The following CAMKMT variants were observed in gnomAD, a reference collection of about 807,000 sequenced individuals.
CAMKMT encodes calmodulin-lysine N-methyltransferase.
A neutral mutation model predicts 48.0 loss-of-function variants in CAMKMT; 53 were observed. That is an observed-to-expected ratio of 1.10 (90% CI 0.89 to 1.39). The LOEUF (loss-of-function observed/expected upper bound fraction) is 1.39. Ranked by LOEUF, CAMKMT falls within the 40% of genes most tolerant of loss-of-function variation. The probability of loss-of-function intolerance (pLI) is 0.00; values close to 1 mark genes in which losing one functional copy is unlikely to be tolerated. For synonymous variants in CAMKMT, 165 were observed against 152.3 expected (o/e 1.08, Z -0.61); for missense variants, 428 against 402.7 (o/e 1.06, Z -0.54).
At chr2:44,614,810 CT>C (rs1572922207) in intron 3 of CAMKMT, among the ~76,000 whole-genome samples, 1 of 152,142 alleles carries the variant, frequency 6.6e-6, no homozygotes, top group East Asian at 1.9e-4. Flanking sequence ...TCTCAGTATG[CT>C]TCACACACAC....
In CAMKMT at chr2:44,626,298, A is replaced by G. The variant is rs530119805; in HGVS notation, c.377-77985A>G. On this transcript the variant is annotated intron_variant, in intron 3 of 10. Transcript: ENST00000378494. ...TGTTTTCTTTTTAAATGCTATTGTTAATGGTATTGTATTTTTATTTCATTT... is the reference window on the plus strand; with the variant it reads ...TGTTTTCTTTTTAAATGCTATTGTTGATGGTATTGTATTTTTATTTCATTT... Among the ~76,000 whole-genome samples, 3 of 152,208 alleles carry G rather than the reference A, an allele frequency of 2.0e-5. No homozygotes were observed. The South Asian group carries it at 6.2e-4, about 32-fold the overall frequency.
At chr2:44,475,115 T>C (rs1258232963) in intron 3 of CAMKMT, among the ~76,000 whole-genome samples, 4 of 152,248 alleles carry the variant, frequency 2.6e-5, no homozygotes, top group Admixed American at 6.5e-5. Context: ...TTAATATCCA[T>C]GTTCCATTAT....
intron 3 of CAMKMT, among the ~76,000 whole-genome samples, chr2:44,533,262 G>A (rs1448703196): frequency 2.7e-5 from 4 of 149,834 alleles, no homozygotes; most frequent in African/African-American, 9.8e-5. Context: ...TTTTGAGACA[G>A]AGTTTCTCTT....
At chr2:44,480,704 C>T (rs1647859316) in intron 3 of CAMKMT, among the ~76,000 whole-genome samples, 1 of 152,122 alleles carries the variant, frequency 6.6e-6, no homozygotes, top group South Asian at 2.1e-4. Flanking sequence ...AGTATCTTAA[C>T]GTATTTTGAA....
intron 3 of CAMKMT, among the ~76,000 whole-genome samples, chr2:44,578,982 G>A (rs776854179): frequency 7.2e-5 from 11 of 152,184 alleles, no homozygotes; most frequent in Non-Finnish European, 1.6e-4. Flanking sequence ...ACGCAGTGGT[G>A]GAAGTGAAAC....
intron 3 of CAMKMT, among the ~76,000 whole-genome samples, chr2:44,672,493 C>T (rs1675389012): frequency 6.6e-6 from 1 of 151,966 alleles, no homozygotes; most frequent in Non-Finnish European, 1.5e-5. Flanking sequence ...CCATTTGTAC[C>T]CCAACTATTT....
At chr2:44,508,241 T>C (rs1670360216) in intron 3 of CAMKMT, among the ~76,000 whole-genome samples, 1 of 152,174 alleles carries the variant, frequency 6.6e-6, no homozygotes. Context: ...TTATTCAGCA[T>C]CAACACATGA....
At chr2:44,546,307 G>A (rs1667401397) in intron 3 of CAMKMT, among the ~76,000 whole-genome samples, 1 of 152,014 alleles carries the variant, frequency 6.6e-6, no homozygotes, top group Admixed American at 6.5e-5. Flanking sequence ...GCCTTGTCCT[G>A]GAAATTCCAA....
chr2:44,420,670 T>C (rs189541799), intron 3 of CAMKMT, among the ~76,000 whole-genome samples: 44 of 152,178 alleles, frequency 2.9e-4, no homozygotes, highest in African/African-American at 9.9e-4. Flanking sequence ...AATATCTGCA[T>C]TATTACTAAA....
chr2:44,759,449 C>CT lies in CAMKMT; in HGVS notation c.762+5340dup, dbSNP rs201997897. The stretch of plus-strand genomic sequence containing the variant: ...TCTTTTTGCTCAGATACTTTCTCAT[C>CT]TTTTTTTTTAAAAAAAGTCTAACAT... On this transcript the variant is annotated intron_variant, in intron 9 of 10. Transcript: ENST00000378494. 2.6e-4 allele frequency among the ~76,000 whole-genome samples: 40 copies of CT among 151,860 alleles called. 1 individual carries two copies. The highest frequency in any genetic ancestry group is 5.8e-4 in the East Asian group (3 of 5,178).
intron 3 of CAMKMT, among the ~76,000 whole-genome samples, chr2:44,505,904 G>A (rs1480224828): frequency 6.6e-6 from 1 of 151,840 alleles, no homozygotes; most frequent in Non-Finnish European, 1.5e-5. Flanking sequence ...GTCTGGCTCT[G>A]TTGCCCAGGC....
At chr2:44,733,767 CT>C (rs1399263251) in intron 7 of CAMKMT, among the ~76,000 whole-genome samples, 1 of 151,962 alleles carries the variant, frequency 6.6e-6, no homozygotes, top group Non-Finnish European at 1.5e-5. Flanking sequence ...TTAAACCAAC[CT>C]TCTTATATTC....
intron 3 of CAMKMT, among the ~76,000 whole-genome samples, chr2:44,680,358 G>A (rs183736973): frequency 5.1e-4 from 77 of 152,264 alleles, no homozygotes; most frequent in Non-Finnish European, 8.7e-4. Flanking sequence ...CTTTTTTTGA[G>A]AGGACAGCGA....
chr2:44,448,214 C>T (rs887592478), intron 3 of CAMKMT, among the ~76,000 whole-genome samples: 1 of 152,134 alleles, frequency 6.6e-6, no homozygotes, highest in African/African-American at 2.4e-5. Context: ...CCCCACCACC[C>T]ACTGCTCCTT....
intron 7 of CAMKMT, among the ~76,000 whole-genome samples, chr2:44,735,481 A>T (rs990711820): frequency 2.0e-5 from 3 of 151,872 alleles, no homozygotes; most frequent in African/African-American, 7.3e-5. Flanking sequence ...ATTCTATTTT[A>T]TCTCCTTTGT....
chr2:44,374,509 A>G (rs911041059), intron 2 of CAMKMT, among the ~76,000 whole-genome samples: 2 of 152,216 alleles, frequency 1.3e-5, no homozygotes, highest in African/African-American at 4.8e-5. Context: ...AAGAGACAAT[A>G]AGTATAAATT....
intron 3 of CAMKMT, among the ~76,000 whole-genome samples, chr2:44,703,224 A>G (rs977035505): frequency 1.3e-5 from 2 of 152,214 alleles, no homozygotes; most frequent in African/African-American, 4.8e-5. Flanking sequence ...AAAAAAATTA[A>G]AAACACTTAT....
At chr2:44,677,862 AAC>A (rs1221011456) in intron 3 of CAMKMT, among the ~76,000 whole-genome samples, 1 of 152,066 alleles carries the variant, frequency 6.6e-6, no homozygotes, top group Non-Finnish European at 1.5e-5. Context: ...TCTGGCATAA[AAC>A]ACAAGTGTGT....
At chr2:44,674,855 C>T (rs1354364422) in intron 3 of CAMKMT, among the ~76,000 whole-genome samples, 3 of 152,122 alleles carry the variant, frequency 2.0e-5, no homozygotes. Flanking sequence ...GCCTCACATT[C>T]TTGGCATGTA....
Sources: gnomAD v4.1 joint callset for allele counts (sites outside exome capture counted in the v4.1 genomes callset) on GRCh38, gnomAD v4.1.1 for gene constraint, MANE v1.5 for transcripts, NCBI Gene and HGNC (gene_info 2026-07-23, HGNC 2026-07-21) for gene names.